Variants in USP47 observed in about 807,000 individuals in gnomAD.
The protein encoded by USP47 is ubiquitin carboxyl-terminal hydrolase 47.
Under a neutral mutation model 165.1 loss-of-function variants are expected in USP47, and 35 were observed. That is an observed-to-expected ratio of 0.21 (90% CI 0.16 to 0.28). The LOEUF (loss-of-function observed/expected upper bound fraction) is 0.28, where lower values mean the gene tolerates loss of function less well. Ranked by LOEUF, USP47 falls within the 10% of genes least tolerant of loss-of-function variation. USP47 has a pLI of 1.00. For missense variants in USP47, 1,277 were observed against 1,607.4 expected (o/e 0.79, Z 3.52); for synonymous variants, 531 against 544.5 (o/e 0.98, Z 0.35).
intron 21 of USP47, 171 bp from the exon 22 acceptor site, chr11:11,948,307 T>G: frequency 1.2e-6 from 1 of 851,890 alleles, no homozygotes; most frequent in Non-Finnish European, 1.8e-6. Flanking sequence ...TTGTGAAATG[T>G]TAGCTGTGTG....
intron 5 of USP47, among the ~76,000 whole-genome samples, chr11:11,898,854 A>C (rs1298631897): frequency 6.6e-6 from 1 of 152,208 alleles, no homozygotes; most frequent in East Asian, 1.9e-4. Context: ...AGTGAATAAT[A>C]GGAAGGGCTA....
At chr11:11,904,683 G>A (rs968942011) in intron 7 of USP47, among the ~76,000 whole-genome samples, 2 of 152,130 alleles carry the variant, frequency 1.3e-5, no homozygotes, top group African/African-American at 4.8e-5. Context: ...TACTTAGGGA[G>A]TTACCTACCG....
At chr11:11,863,195 G>T (rs572113053) in intron 1 of USP47, among the ~76,000 whole-genome samples, 1 of 152,114 alleles carries the variant, frequency 6.6e-6, no homozygotes, top group Non-Finnish European at 1.5e-5. Context: ...TTAAATTGAC[G>T]AGTCATGGGA....
chr11:11,844,641 A>C lies in USP47; in HGVS notation c.39+2417A>C, dbSNP rs982738192. On this transcript the variant is annotated intron_variant, in intron 1 of 27. Coordinates refer to ENST00000527733, the MANE Select transcript of USP47 (RefSeq NM_001282659.2). Reference sequence around the variant, plus strand: ...CTGTAAGAATAGTTTGTAACTCTCTAAGTACATATATATGTGAAAATAAAT... The same window carrying C: ...CTGTAAGAATAGTTTGTAACTCTCTCAGTACATATATATGTGAAAATAAAT... Among the ~76,000 whole-genome samples, 11 of 152,246 alleles carry C rather than the reference A, an allele frequency of 7.2e-5. 1 individual carries two copies. The South Asian group carries it at 2.3e-3, about 32-fold the overall frequency.
intron 20 of USP47, among the ~76,000 whole-genome samples, chr11:11,944,661 A>G (rs1343815273): frequency 1.3e-5 from 2 of 152,168 alleles, no homozygotes; most frequent in Non-Finnish European, 2.9e-5. Context: ...AGTCGCTCAC[A>G]CTGCCAGGAT....
chr11:11,916,355 A>C (rs966315696), intron 8 of USP47, among the ~76,000 whole-genome samples: 5 of 152,228 alleles, frequency 3.3e-5, no homozygotes, highest in Admixed American at 3.3e-4. Context: ...CTAGAATATG[A>C]AACTGTTGTC....
intron 18 of USP47, among the ~76,000 whole-genome samples, chr11:11,939,777 T>C (rs1210109376): frequency 6.6e-6 from 1 of 152,000 alleles, no homozygotes; most frequent in African/African-American, 2.4e-5. Context: ...CAAAACATCA[T>C]GTAAACAAAT....
intron 1 of USP47, among the ~76,000 whole-genome samples, chr11:11,874,102 T>A (rs956044898): frequency 1.3e-5 from 2 of 152,204 alleles, no homozygotes; most frequent in African/African-American, 4.8e-5. Flanking sequence ...TTTGTTATGA[T>A]GTTGGGTATG....
At chr11:11,847,058 T>A (rs1265097065) in intron 1 of USP47, among the ~76,000 whole-genome samples, 1 of 152,158 alleles carries the variant, frequency 6.6e-6, no homozygotes, top group African/African-American at 2.4e-5. Flanking sequence ...TGCAGAATTG[T>A]ATATGATTCT....
chr11:11,899,313 G>A (rs1457385737), intron 5 of USP47, among the ~76,000 whole-genome samples: 1 of 152,192 alleles, frequency 6.6e-6, no homozygotes, highest in East Asian at 1.9e-4. Context: ...TCTGAAAGTG[G>A]ACTGTAAATT....
At chr11:11,943,273 C>A in intron 20 of USP47, 161 bp downstream of exon 20, 1 of 677,636 alleles carries the variant, frequency 1.5e-6, no homozygotes, top group Non-Finnish European at 2.3e-6. Flanking sequence ...TGTTCTTAGA[C>A]CTGTGCAGTA....
At chr11:11,920,578 A>G (rs1853762365) in intron 10 of USP47, 84 bp downstream of exon 10, 2 of 1,285,824 alleles carry the variant, frequency 1.6e-6, no homozygotes, top group East Asian at 5.2e-5. Context: ...AGGTAATAAC[A>G]CTGATGTCAT....
At position 11,892,380 on chromosome 11, in the gene USP47, C is replaced by CTTTTTTTTTTTTTTTTTTTTTTT. The variant is rs1300802562; in HGVS notation, c.496+293_496+294insTTTTTTTTTTTTTTTTTTTTTTT. On this transcript the variant is annotated intron_variant, in intron 4 of 27. Transcript: ENST00000527733. ...AGACTTTTCTTTTCTTTTTAATTTT[C>CTTTTTTTTTTTTTTTTTTTTTTT]TTTTTTTTTTTTTTTTTTTGAGACA... 9.9e-5 allele frequency among the ~76,000 whole-genome samples: 12 copies of CTTTTTTTTTTTTTTTTTTTTTTT among 121,138 alleles called. 2 individuals are homozygous for CTTTTTTTTTTTTTTTTTTTTTTT. Among genetic ancestry groups the CTTTTTTTTTTTTTTTTTTTTTTT allele is most frequent in the Non-Finnish European group, 1.2e-4 (7 of 59,338 alleles). 79.5% of individuals were successfully genotyped at this position (121,138 alleles called of 152,430 possible).
At chr11:11,927,518 A>G (rs1224201979) in intron 11 of USP47, among the ~76,000 whole-genome samples, 2 of 151,944 alleles carry the variant, frequency 1.3e-5, no homozygotes, top group Non-Finnish European at 2.9e-5. Context: ...TAAAATACTC[A>G]CTCTTTGACC....
Position 11,918,174 on chromosome 11 carries a change from A to G in USP47, c.970-1982A>G, listed in dbSNP as rs570502345. On this transcript the variant is annotated intron_variant, in intron 8 of 27. Transcript: ENST00000527733. ...AGAAGGGCACATCTTTGCTAATGTC[A>G]TAGTAGCCTAGCAAGGAATGTATAA... Among the ~76,000 whole-genome samples, 12 of 152,306 alleles carry G rather than the reference A, an allele frequency of 7.9e-5. No homozygotes were observed. In the South Asian group the frequency reaches 1.7e-3, roughly 21 times the overall value.
intron 18 of USP47, among the ~76,000 whole-genome samples, chr11:11,938,740 T>A (rs1282369827): frequency 6.6e-6 from 1 of 151,984 alleles, no homozygotes; most frequent in Non-Finnish European, 1.5e-5. Flanking sequence ...AATGCTGCAT[T>A]TAGTGTCTGG....
At position 11,920,140 on chromosome 11, in the gene USP47, A is replaced by T; in HGVS notation, c.970-16A>T. ...AATATTTTAAGTAATTATAAAACAA[A>T]TTTTTTTCTAACTAGGAAGAAGCAT... On this transcript the variant is annotated splice_polypyrimidine_tract_variant and intron_variant, in intron 8 of 27. Transcript: ENST00000527733. 1 of 1,547,206 alleles carries T rather than the reference A, an allele frequency of 6.5e-7. No individual in the cohort carries two copies. Among genetic ancestry groups the T allele is most frequent in the Non-Finnish European group, 8.7e-7 (1 of 1,151,474 alleles).
chr11:11,870,843 G>A (rs1849991912), intron 1 of USP47, among the ~76,000 whole-genome samples: 1 of 151,998 alleles, frequency 6.6e-6, no homozygotes, highest in Non-Finnish European at 1.5e-5. Context: ...CTACATCAGT[G>A]CTTACATTTG....
intron 1 of USP47, among the ~76,000 whole-genome samples, chr11:11,867,144 A>G (rs961387837): frequency 2.0e-5 from 3 of 151,982 alleles, no homozygotes; most frequent in African/African-American, 7.2e-5. Context: ...TGATGCGCCC[A>G]CCCGGCCCTT....
Sources: gnomAD v4.1 joint callset for allele counts (sites outside exome capture counted in the v4.1 genomes callset) on GRCh38, gnomAD v4.1.1 for gene constraint, MANE v1.5 for transcripts, NCBI Gene and HGNC (gene_info 2026-07-23, HGNC 2026-07-21) for gene names.